The following ANK2 variants were observed in gnomAD, a reference collection of about 807,000 sequenced individuals.
ANK2 encodes ankyrin-2.
In ANK2, 83 loss-of-function variants were observed where a neutral mutation model predicts 360.5. The observed-to-expected ratio is 0.23, with a 90% confidence interval of 0.19 to 0.28. The LOEUF is 0.28. Ranked by LOEUF, ANK2 falls within the 10% of genes least tolerant of loss-of-function variation. ANK2 has a pLI of 1.00. For missense variants in ANK2, 4,201 were observed against 4,795.7 expected (o/e 0.88, Z 3.66); for synonymous variants, 1,740 against 1,759.5 (o/e 0.99, Z 0.28).
intron 1 of ANK2, among the ~76,000 whole-genome samples, chr4:113,155,104 T>A (rs1213776417): frequency 6.6e-6 from 1 of 152,208 alleles, no homozygotes; most frequent in African/African-American, 2.4e-5. Flanking sequence ...ATAATAGCTA[T>A]CATTTATTGA....
chr4:113,038,374 G>C, intron 2 of ANK2, among the ~76,000 whole-genome samples: 1 of 151,932 alleles, frequency 6.6e-6, no homozygotes, highest in East Asian at 1.9e-4. Flanking sequence ...GAAATTCATT[G>C]ATAACTGTTT....
At chr4:113,145,807 G>T in intron 1 of ANK2, 2 of 1,278,642 alleles carry the variant, frequency 1.6e-6, no homozygotes, top group Non-Finnish European at 2.0e-6. Context: ...ACCCCTGGGA[G>T]CCCTGGACAG....
the ANK2 span, among the ~76,000 whole-genome samples, chr4:112,728,784 T>C: frequency 2.0e-5 from 3 of 152,102 alleles, no homozygotes; most frequent in Non-Finnish European, 4.4e-5. Flanking sequence ...TACATGTATA[T>C]ACACAGAAAA....
At chr4:113,280,280 A>T (rs2061789906) in intron 17 of ANK2, among the ~76,000 whole-genome samples, 1 of 152,230 alleles carries the variant, frequency 6.6e-6, no homozygotes, top group South Asian at 2.1e-4. Context: ...AGATTATAAA[A>T]TAATGTGTAT....
chr4:112,829,973 A>AT lies in ANK2; in HGVS notation c.-40+11709_-40+11710insT, dbSNP rs1258354484. The stretch of plus-strand genomic sequence containing the variant: ...GACTCCGTCTCAAAAAAATAAAAAT[A>AT]AAAAATAAAAAAAAAGTCAAAAAAT... On this transcript the variant is annotated intron_variant, in intron 1 of 30. Coordinates refer to the ANK2 transcript ENST00000503271. Among the ~76,000 whole-genome samples, 982 of 145,476 alleles carry AT rather than the reference A, an allele frequency of 6.8e-3. 14 individuals carry two copies. The highest frequency in any genetic ancestry group is 0.024 in the African/African-American group (879 of 37,184).
chr4:113,199,688 G>C (rs889355928), intron 4 of ANK2, among the ~76,000 whole-genome samples: 19 of 151,938 alleles, frequency 1.3e-4, no homozygotes, highest in African/African-American at 4.6e-4. Context: ...AGAAAATGTT[G>C]TTTTGCCCAA....
the ANK2 span, among the ~76,000 whole-genome samples, chr4:112,793,737 A>ATTTTTTTT: frequency 7.4e-6 from 1 of 135,576 alleles, no homozygotes; most frequent in Non-Finnish European, 1.5e-5. Flanking sequence ...ACAGGGTCTT[A>ATTTTTTTT]CTCTGTCGCC....
the ANK2 span, among the ~76,000 whole-genome samples, chr4:112,786,332 T>A: frequency 6.6e-6 from 1 of 151,900 alleles, no homozygotes; most frequent in African/African-American, 2.4e-5. Flanking sequence ...TCCATCATTT[T>A]GTGTGTGAAA....
At chr4:113,153,204 G>A (rs2097158179) in intron 1 of ANK2, among the ~76,000 whole-genome samples, 1 of 151,976 alleles carries the variant, frequency 6.6e-6, no homozygotes, top group South Asian at 2.1e-4. Context: ...TTCTAGTACA[G>A]CAACTCTATT....
chr4:113,258,219 C>G lies in ANK2; in HGVS notation c.1287+71C>G, dbSNP rs2050578430. On this transcript the variant is annotated intron_variant, in intron 12 of 45. Coordinates refer to ENST00000357077, the MANE Select transcript of ANK2 (RefSeq NM_001148.6). ...CCTTCCTCCCTTTCCTTTTTCTCATCTTCTGTCCTCTTCACTCAAGTTTTA... is the reference window on the plus strand; with the variant it reads ...CCTTCCTCCCTTTCCTTTTTCTCATGTTCTGTCCTCTTCACTCAAGTTTTA... 1.9e-6 allele frequency: 3 copies of G among 1,572,402 alleles called. No homozygotes were observed. In the African/African-American group the frequency reaches 4.1e-5, roughly 21 times the overall value.
At chr4:112,863,286 G>C (rs372278587) in intron 1 of ANK2, among the ~76,000 whole-genome samples, 1 of 151,980 alleles carries the variant, frequency 6.6e-6, no homozygotes, top group African/African-American at 2.4e-5. Context: ...AGAAATAGTG[G>C]CTATGTATGG....
chr4:112,940,753 C>T (rs892884662), intron 2 of ANK2, among the ~76,000 whole-genome samples: 1 of 152,146 alleles, frequency 6.6e-6, no homozygotes, highest in Non-Finnish European at 1.5e-5. Flanking sequence ...AATCTGTAAA[C>T]TCTTTTTTGC....
At chr4:112,833,837 G>T (rs2149712158) in intron 1 of ANK2, among the ~76,000 whole-genome samples, 1 of 152,300 alleles carries the variant, frequency 6.6e-6, no homozygotes, top group Admixed American at 6.5e-5. Context: ...ATAATAGACT[G>T]TCCCAAATTC....
At chr4:113,269,336 T>A (rs1586697355) in intron 14 of ANK2, among the ~76,000 whole-genome samples, 3 of 152,280 alleles carry the variant, frequency 2.0e-5, no homozygotes, top group Middle Eastern at 6.8e-3. Context: ...AAAAAACTCC[T>A]GTAGCTAGCT....
chr4:113,089,517 T>C lies in ANK2; in HGVS notation c.84+39705T>C, dbSNP rs143154698. On this transcript the variant is annotated intron_variant, in intron 1 of 45. Transcript: ENST00000357077. ...ATGCTAGTATTTATTGTAGAAATGA[T>C]ATTTCATCAATTAAAAAAGCAGATG... Among the ~76,000 whole-genome samples, 5 of 152,318 alleles carry C rather than the reference T, an allele frequency of 3.3e-5. No homozygotes were observed. The East Asian group carries it at 9.6e-4, about 29-fold the overall frequency.
At chr4:113,076,696 T>C (rs1382764176) in intron 1 of ANK2, among the ~76,000 whole-genome samples, 4 of 151,624 alleles carry the variant, frequency 2.6e-5, no homozygotes, top group Non-Finnish European at 5.9e-5. Context: ...CTCAGGCAGC[T>C]GAGGCGGGAG....
At chr4:113,137,294 A>T (rs1562329802) in intron 1 of ANK2, among the ~76,000 whole-genome samples, 1 of 152,232 alleles carries the variant, frequency 6.6e-6, no homozygotes, top group East Asian at 1.9e-4. Flanking sequence ...TCAGTCAAGA[A>T]ATAAATCACT....
intron 3 of ANK2, among the ~76,000 whole-genome samples, chr4:113,197,753 A>G (rs1307442734): frequency 6.6e-6 from 1 of 152,274 alleles, no homozygotes; most frequent in African/African-American, 2.4e-5. Flanking sequence ...ATTCCACAGA[A>G]GTAAACATGT....
chr4:112,706,350 C>A, the ANK2 span, among the ~76,000 whole-genome samples: 1 of 152,148 alleles, frequency 6.6e-6, no homozygotes, highest in Non-Finnish European at 1.5e-5. Context: ...CTACATCGCC[C>A]GGCCCAGGAC....
Sources: gnomAD v4.1 joint callset for allele counts (sites outside exome capture counted in the v4.1 genomes callset) on GRCh38, gnomAD v4.1.1 for gene constraint, MANE v1.5 for transcripts, NCBI Gene and HGNC (gene_info 2026-07-23, HGNC 2026-07-21) for gene names.